Variants in CEP128 observed in about 807,000 individuals in gnomAD.
The protein encoded by CEP128 is centrosomal protein 128kDa.
Under a neutral mutation model 156.7 loss-of-function variants are expected in CEP128, and 132 were observed. That is an observed-to-expected ratio of 0.84 (90% CI 0.73 to 0.97). CEP128 has a LOEUF of 0.97. CEP128 is among the 50% of genes least tolerant of loss of function. The pLI is 0.00. For synonymous variants in CEP128, 469 were observed against 448.9 expected, an observed-to-expected ratio of 1.04 and a Z score of -0.57; for missense variants, 1,252 against 1,281.9, an observed-to-expected ratio of 0.98 and a Z score of 0.36.
At chr14:80,770,369 C>T (rs2139730803) in intron 16 of CEP128, among the ~76,000 whole-genome samples, 1 of 152,246 alleles carries the variant, frequency 6.6e-6, no homozygotes, top group South Asian at 2.1e-4. Context: ...TTTTTCCCTT[C>T]TCTTTGCCAC....
intron 2 of CEP128, among the ~76,000 whole-genome samples, chr14:80,929,018 C>T (rs1373705231): frequency 6.6e-6 from 1 of 150,714 alleles, no homozygotes; most frequent in African/African-American, 2.4e-5. Flanking sequence ...GGAACTCAAA[C>T]ATATCAGAAA....
intron 13 of CEP128, among the ~76,000 whole-genome samples, chr14:80,823,674 A>G (rs1269356090): frequency 6.6e-6 from 1 of 151,460 alleles, no homozygotes; most frequent in African/African-American, 2.4e-5. Flanking sequence ...ATGCTGATGC[A>G]AGAGGTGGGC....
At chr14:80,546,791 A>T (rs544877436) in intron 21 of CEP128, among the ~76,000 whole-genome samples, 1 of 152,290 alleles carries the variant, frequency 6.6e-6, no homozygotes, top group South Asian at 2.1e-4. Context: ...CTAGCAAAAT[A>T]ATTAAGAAGT....
At chr14:80,538,799 T>C (rs1889606258) in intron 21 of CEP128, among the ~76,000 whole-genome samples, 2 of 152,210 alleles carry the variant, frequency 1.3e-5, no homozygotes, top group African/African-American at 2.4e-5. Context: ...GTCAGCTTAG[T>C]CATCACTTCC....
At position 80,863,478 on chromosome 14, in the gene CEP128, G is replaced by A. The variant is rs563062360; in HGVS notation, c.646-605C>T. Reference sequence around the variant, plus strand: ...TCTAAACGTGAAAGAAAGTCAAACTGAAAATGTTTAATCAGGACTCTAAAC... The same window carrying A: ...TCTAAACGTGAAAGAAAGTCAAACTAAAAATGTTTAATCAGGACTCTAAAC... On this transcript the variant is annotated intron_variant, in intron 8 of 24. Transcript: ENST00000555265. 1.6e-3 allele frequency among the ~76,000 whole-genome samples: 250 copies of A among 152,206 alleles called. 3 individuals carry two copies. Among genetic ancestry groups the A allele is most frequent in the African/African-American group, 5.8e-3 (239 of 41,548 alleles).
Position 80,761,622 on chromosome 14 carries a change from T to C in CEP128, c.2377-9A>G, listed in dbSNP as rs199812257. 12 of 1,570,132 alleles carry C rather than the reference T, an allele frequency of 7.6e-6. No homozygotes were observed. The highest frequency in any genetic ancestry group is 2.2e-5 in the East Asian group (1 of 44,446). ...ATGCTTATATGTTTTTCCTAAGGCATTGAAAGAAATTAAACAAGGTGATTA... is the reference window on the plus strand; with the variant it reads ...ATGCTTATATGTTTTTCCTAAGGCACTGAAAGAAATTAAACAAGGTGATTA... On this transcript the variant is annotated splice_polypyrimidine_tract_variant and intron_variant, in intron 16 of 24. Coordinates refer to ENST00000555265, the MANE Select transcript of CEP128 (RefSeq NM_152446.5).
chr14:80,515,942 C>T (rs1439901633), intron 23 of CEP128, among the ~76,000 whole-genome samples: 1 of 152,184 alleles, frequency 6.6e-6, no homozygotes, highest in East Asian at 1.9e-4. Context: ...AACTGCGGCT[C>T]ACTGCAACGA....
At chr14:80,780,593 C>A (rs1901055395) in intron 15 of CEP128, among the ~76,000 whole-genome samples, 1 of 151,806 alleles carries the variant, frequency 6.6e-6, no homozygotes, top group African/African-American at 2.4e-5. Flanking sequence ...CTTATAAATT[C>A]TAAATTCTTT....
chr14:80,616,402 G>T, intron 19 of CEP128, among the ~76,000 whole-genome samples: 1 of 152,242 alleles, frequency 6.6e-6, no homozygotes, highest in African/African-American at 2.4e-5. Context: ...CATTTTACAG[G>T]GGAGGAGACA....
intron 9 of CEP128, among the ~76,000 whole-genome samples, chr14:80,849,078 A>G (rs1357100450): frequency 6.6e-6 from 1 of 152,230 alleles, no homozygotes; most frequent in Non-Finnish European, 1.5e-5. Context: ...AACAGTTTCC[A>G]ATTTAAAAAA....
At chr14:80,512,094 C>G (rs896657980) in intron 23 of CEP128, among the ~76,000 whole-genome samples, 24 of 151,996 alleles carry the variant, frequency 1.6e-4, no homozygotes, top group African/African-American at 5.6e-4. Context: ...TTCATCTGGT[C>G]TATACTACAG....
chr14:80,792,318 A>C (rs894627269), intron 14 of CEP128, among the ~76,000 whole-genome samples: 1 of 152,236 alleles, frequency 6.6e-6, no homozygotes, highest in African/African-American at 2.4e-5. Flanking sequence ...AAATGGCCCT[A>C]GTAACTACTG....
At chr14:80,742,907 C>T in intron 19 of CEP128, 168 bp downstream of exon 19, 1 of 612,888 alleles carries the variant, frequency 1.6e-6, no homozygotes, top group Non-Finnish European at 2.8e-6. Flanking sequence ...GAAGAATTTT[C>T]TCTTCTCGTC....
At chr14:80,592,869 CATT>C (rs1892140652) in intron 19 of CEP128, among the ~76,000 whole-genome samples, 2 of 152,218 alleles carry the variant, frequency 1.3e-5, no homozygotes, top group Admixed American at 1.3e-4. Context: ...TAAATGTAAT[CATT>C]ATGTAAATAG....
chr14:80,617,450 T>C lies in CEP128; in HGVS notation c.2807-37027A>G, dbSNP rs372569309. On this transcript the variant is annotated intron_variant, in intron 19 of 24. Transcript: ENST00000555265. ...CGGGGTTTCACCATCTTAGCCAGAA[T>C]GGTCTCGATCTCCTGACCTCATGAT... is the stretch of plus-strand genomic sequence containing the variant. 6.6e-5 allele frequency among the ~76,000 whole-genome samples: 10 copies of C among 152,114 alleles called. No individual in the cohort carries two copies. The South Asian group carries it at 1.9e-3, about 28-fold the overall frequency.
At chr14:80,933,399 A>G (rs1378375268) in intron 2 of CEP128, among the ~76,000 whole-genome samples, 1 of 152,210 alleles carries the variant, frequency 6.6e-6, no homozygotes, top group Non-Finnish European at 1.5e-5. Flanking sequence ...ACTGTCTGTC[A>G]GCCCAGGGGA....
Position 80,630,390 on chromosome 14 carries a change from T to G in CEP128, c.2807-49967A>C, listed in dbSNP as rs75287355. On this transcript the variant is annotated intron_variant, in intron 19 of 24. Coordinates refer to ENST00000555265, the MANE Select transcript of CEP128 (RefSeq NM_152446.5). The stretch of plus-strand genomic sequence containing the variant: ...GTAGTATGATGATGTGGCATAATAT[T>G]TCATATTTAAAATTTTATAGGCATT... Among the ~76,000 whole-genome samples the G allele has an allele frequency of 4.7e-3, 720 of 152,120 alleles. 2 individuals carry two copies. The highest frequency in any genetic ancestry group is 0.017 in the African/African-American group (687 of 41,564).
intron 23 of CEP128, among the ~76,000 whole-genome samples, chr14:80,508,790 C>T (rs778152787): frequency 6.6e-6 from 1 of 152,082 alleles, no homozygotes; most frequent in African/African-American, 2.4e-5. Context: ...ATGGGTACAG[C>T]ACAGTTGTAT....
intron 19 of CEP128, among the ~76,000 whole-genome samples, chr14:80,613,305 T>A: frequency 8.2e-6 from 1 of 121,778 alleles, no homozygotes; most frequent in Admixed American, 8.4e-5. Context: ...TTTTTTTTTT[T>A]TTTTTTTTTT....
Sources: allele counts gnomAD v4.1 joint callset (sites outside exome capture counted in the v4.1 genomes callset), GRCh38; gene constraint gnomAD v4.1.1; transcripts MANE v1.5; gene names NCBI Gene and HGNC (gene_info 2026-07-23, HGNC 2026-07-21).